Variants in CNTNAP4 observed in about 807,000 individuals in gnomAD.
The protein encoded by CNTNAP4 is contactin-associated protein-like 4.
A neutral mutation model predicts 148.4 loss-of-function variants in CNTNAP4; 98 were observed. The observed-to-expected ratio is 0.66, with a 90% CI of 0.56 to 0.78. The LOEUF is 0.78. Among genes scored for constraint, CNTNAP4 ranks in the 30% least tolerant of loss-of-function variants. The pLI is 0.00. For synonymous variants in CNTNAP4, 730 were observed against 565.1 expected (o/e 1.29, Z -4.14); for missense variants, 1,935 against 1,565.6 (o/e 1.24, Z -3.98).
intron 4 of CNTNAP4, among the ~76,000 whole-genome samples, chr16:76,431,461 C>A (rs999793595): frequency 2.6e-5 from 4 of 151,990 alleles, no homozygotes; most frequent in African/African-American, 9.7e-5. Context: ...GGGGGGTTAC[C>A]TGAGGTCAGG....
At chr16:76,536,548 T>C (rs1471118751) in intron 18 of CNTNAP4, among the ~76,000 whole-genome samples, 1 of 152,162 alleles carries the variant, frequency 6.6e-6, no homozygotes, top group Non-Finnish European at 1.5e-5. Context: ...ATATTTAAGA[T>C]GCATTGTTTT....
intron 14 of CNTNAP4, 154 bp downstream of exon 14, chr16:76,495,220 A>G (rs2082362014): frequency 4.0e-6 from 3 of 742,320 alleles, no homozygotes; most frequent in Admixed American, 5.9e-5. Context: ...AGTCAATATA[A>G]TCGTTAGTAT....
chr16:76,490,768 G>T (rs1214908536), intron 13 of CNTNAP4, among the ~76,000 whole-genome samples: 1 of 152,040 alleles, frequency 6.6e-6, no homozygotes, highest in African/African-American at 2.4e-5. Context: ...TGCGTATTCT[G>T]TGTCCACCCT....
At chr16:76,309,097 A>G (rs949751160) in intron 1 of CNTNAP4, among the ~76,000 whole-genome samples, 2 of 151,906 alleles carry the variant, frequency 1.3e-5, no homozygotes, top group Non-Finnish European at 2.9e-5. Flanking sequence ...GAGCGAGCAC[A>G]CCTGGCCTAT....
chr16:76,439,060 A>G lies in CNTNAP4; in HGVS notation c.539-8952A>G, dbSNP rs572316633. ...GTACATATTTACATTATAATGTGTA[A>G]TATGTCTGTACACACAGGAGGATTT... On this transcript the variant is annotated intron_variant, in intron 4 of 23. Transcript: ENST00000611870. 9.2e-5 allele frequency among the ~76,000 whole-genome samples: 14 copies of G among 152,236 alleles called. No homozygotes were observed. In the South Asian group the frequency reaches 2.1e-3, roughly 23 times the overall value.
chr16:76,427,289 A>T (rs190329491), intron 3 of CNTNAP4, among the ~76,000 whole-genome samples, 163 bp from the exon 4 acceptor site: 1 of 152,116 alleles, frequency 6.6e-6, no homozygotes, highest in Non-Finnish European at 1.5e-5. Context: ...ATTTCTCTGG[A>T]TGCAGAGACA....
At chr16:76,553,800 A>G (rs747922773) in intron 22 of CNTNAP4, 36 bp from the exon 23 acceptor site, 7 of 1,397,314 alleles carry the variant, frequency 5.0e-6, no homozygotes, top group Non-Finnish European at 7.1e-6. Context: ...TTACTTGCCT[A>G]TATCACCTTC....
At chr16:76,376,092 G>A (rs546041453) in intron 3 of CNTNAP4, among the ~76,000 whole-genome samples, 7 of 152,144 alleles carry the variant, frequency 4.6e-5, no homozygotes, top group African/African-American at 1.7e-4. Flanking sequence ...AGAGTTAGGG[G>A]GAGGGAGAGA....
At chr16:76,427,863 T>C (rs1438595917) in intron 4 of CNTNAP4, among the ~76,000 whole-genome samples, 3 of 152,186 alleles carry the variant, frequency 2.0e-5, no homozygotes, top group African/African-American at 7.2e-5. Flanking sequence ...TTTCTTCAAA[T>C]AGAATATTAT....
intron 3 of CNTNAP4, among the ~76,000 whole-genome samples, chr16:76,389,911 G>T (rs2016828247): frequency 6.6e-6 from 1 of 152,194 alleles, no homozygotes; most frequent in Non-Finnish European, 1.5e-5. Flanking sequence ...AAGAATTTGA[G>T]TGCAAGTTAT....
At position 76,540,809 on chromosome 16, in the gene CNTNAP4, C is replaced by T. The variant is rs1304641719; in HGVS notation, c.3442+19C>T. 2.0e-6 allele frequency: 3 copies of T among 1,507,868 alleles called. No homozygotes were observed. The highest frequency in any genetic ancestry group is 1.2e-5 in the South Asian group (1 of 83,012). The allele number at this position is 1,507,868 out of a possible 1,614,324, so 93.4% of individuals were successfully genotyped here. A position where few individuals can be genotyped will look rare whatever the true frequency, so the allele number is the denominator to read the frequency against. ...ATTTTAGGTAAGTGAAAGAAACAAC[C>T]TTTCCCCTAACCATGCTAATCATGA... On this transcript the variant is annotated intron_variant, in intron 21 of 23. Coordinates refer to ENST00000611870, the MANE Select transcript of CNTNAP4 (RefSeq NM_033401.5).
chr16:76,423,233 C>G (rs1037890465), intron 3 of CNTNAP4, among the ~76,000 whole-genome samples: 3 of 152,020 alleles, frequency 2.0e-5, no homozygotes, highest in Non-Finnish European at 2.9e-5. Flanking sequence ...TATTTTTTCT[C>G]TCTGAAAAGT....
rs1280380046 is a variant in CNTNAP4, at chr16:76,558,929, A to C, written c.*246A>C. The C allele has an allele frequency of 3.2e-6, 1 of 308,626 alleles. No individual in the cohort carries two copies. The highest frequency in any genetic ancestry group is 1.1e-4 in the South Asian group (1 of 9,428). The allele number at this position is 308,626 out of a possible 1,614,324, so 19.1% of individuals were successfully genotyped here. On this transcript the variant is annotated 3_prime_UTR_variant, in exon 24 of 24. Transcript: ENST00000611870. ...ATTTTCAACTGTTCTGGTATGATCT[A>C]AAACAAGTTTAACCTGCTTAATGGC...
At chr16:76,548,606 C>T (rs1256426674) in intron 21 of CNTNAP4, among the ~76,000 whole-genome samples, 1 of 151,962 alleles carries the variant, frequency 6.6e-6, no homozygotes, top group Admixed American at 6.6e-5. Flanking sequence ...TTTCGACAAG[C>T]AGAAGTCACT....
At chr16:76,383,404 A>G (rs2016190919) in intron 3 of CNTNAP4, among the ~76,000 whole-genome samples, 1 of 152,012 alleles carries the variant, frequency 6.6e-6, no homozygotes, top group South Asian at 2.1e-4. Flanking sequence ...AGAAAAAAAA[A>G]AAAAAAAACG....
chr16:76,398,553 C>A lies in CNTNAP4; in HGVS notation c.391-28899C>A, dbSNP rs565208805. Among the ~76,000 whole-genome samples, 3 of 152,138 alleles carry A rather than the reference C, an allele frequency of 2.0e-5. No homozygotes were observed. The South Asian group carries it at 6.2e-4, about 32-fold the overall frequency. The stretch of plus-strand genomic sequence containing the variant: ...CGTCCCTTTTACACATGTGTCAGAA[C>A]TACTTTGAGATAGGTAACTGGAGAC... On this transcript the variant is annotated intron_variant, in intron 3 of 23. Transcript: ENST00000611870.
intron 11 of CNTNAP4, among the ~76,000 whole-genome samples, chr16:76,477,926 T>G (rs535141192): frequency 6.6e-6 from 1 of 152,302 alleles, no homozygotes; most frequent in South Asian, 2.1e-4. Flanking sequence ...GACCCACAAT[T>G]TGATACAATA....
chr16:76,374,857 C>G (rs1408441970), intron 3 of CNTNAP4, among the ~76,000 whole-genome samples: 2 of 151,706 alleles, frequency 1.3e-5, no homozygotes, highest in African/African-American at 4.8e-5. Context: ...CAACCTCTGC[C>G]TCCTGGGTTC....
At chr16:76,346,928 C>T (rs915785359) in intron 2 of CNTNAP4, among the ~76,000 whole-genome samples, 2 of 152,120 alleles carry the variant, frequency 1.3e-5, no homozygotes, top group African/African-American at 4.8e-5. Context: ...GTCAGTCTGC[C>T]AGTTTGCCAT....
Sources: gnomAD v4.1 joint callset for allele counts (sites outside exome capture counted in the v4.1 genomes callset) on GRCh38, gnomAD v4.1.1 for gene constraint, MANE v1.5 for transcripts, NCBI Gene and HGNC (gene_info 2026-07-23, HGNC 2026-07-21) for gene names.